The following URI1 variants were observed in gnomAD, a reference collection of about 807,000 sequenced individuals.
URI1 encodes unconventional prefoldin RPB5 interactor 1.
URI1 carries 39 observed loss-of-function variants against 60.2 expected under a neutral mutation model. The ratio of observed to expected loss-of-function variants is 0.65; its 90% CI spans 0.50 to 0.85. The LOEUF is 0.85. Among genes scored for constraint, URI1 ranks in the 40% least tolerant of loss-of-function variants. URI1 has a pLI of 0.00. For missense variants in URI1, 691 were observed against 665.9 expected (o/e 1.04, Z -0.42); for synonymous variants, 251 against 236.8 (o/e 1.06, Z -0.55).
At chr19:29,928,568 C>T (rs1273820684) in intron 1 of URI1, among the ~76,000 whole-genome samples, 1 of 152,102 alleles carries the variant, frequency 6.6e-6, no homozygotes, top group Non-Finnish European at 1.5e-5. Flanking sequence ...GTGTCAGTCC[C>T]TGATGCTTGT....
intron 1 of URI1, among the ~76,000 whole-genome samples, chr19:29,927,096 C>T (rs2145189200): frequency 6.6e-6 from 1 of 152,286 alleles, no homozygotes; most frequent in African/African-American, 2.4e-5. Flanking sequence ...GCAGAGGCTA[C>T]TGGACTTCCC....
chr19:29,940,425 G>A (rs2055011893), upstream of URI1, among the ~76,000 whole-genome samples: 1 of 152,132 alleles, frequency 6.6e-6, no homozygotes, highest in Non-Finnish European at 1.5e-5. Flanking sequence ...AAGGCGGGTG[G>A]ATCACTTGAG....
At chr19:29,934,742 A>T (rs994383728) in intron 1 of URI1, among the ~76,000 whole-genome samples, 1 of 151,898 alleles carries the variant, frequency 6.6e-6, no homozygotes, top group Admixed American at 6.6e-5. Flanking sequence ...TTATTTTTAG[A>T]GACCAGGTCT....
intron 1 of URI1, among the ~76,000 whole-genome samples, chr19:29,949,350 T>G (rs2055147341): frequency 7.2e-6 from 1 of 138,862 alleles, no homozygotes. Flanking sequence ...TCTCAGACGA[T>G]GGGCGGCTGG....
rs2145370677 is a variant in URI1 at position 29,985,214 on chromosome 19, T to G, written c.153-9T>G. 2.0e-6 allele frequency: 3 copies of G among 1,517,824 alleles called. No individual in the cohort carries two copies. In the South Asian group the frequency reaches 3.5e-5, roughly 18 times the overall value. 94.0% of individuals were successfully genotyped at this position (1,517,824 alleles called of 1,614,324 possible). A position where few individuals can be genotyped will look rare whatever the true frequency, so the allele number is the denominator to read the frequency against. Reference sequence around the variant, plus strand: ...AATAATGTGTGTATTTGGTGTTTTCTGTCAACAGGAAGAAGGTAGATAATG... The same window carrying G: ...AATAATGTGTGTATTTGGTGTTTTCGGTCAACAGGAAGAAGGTAGATAATG... On this transcript the variant is annotated splice_polypyrimidine_tract_variant and intron_variant, in intron 2 of 10. Transcript: ENST00000392271.
Position 29,961,270 on chromosome 19 carries a change from T to A in URI1, c.118-9923T>A, listed in dbSNP as rs529518630. On this transcript the variant is annotated intron_variant, in intron 1 of 10. Coordinates refer to ENST00000392271, the MANE Select transcript of URI1 (RefSeq NM_003796.3). ...GCCTTTTTTTTTTTTTTTTTTTAAA[T>A]CTTGCAAAACTGAAACTCTGTTCAT... Among the ~76,000 whole-genome samples the A allele has an allele frequency of 2.7e-5, 4 of 149,660 alleles. No individual in the cohort carries two copies. In the East Asian group the frequency reaches 8.0e-4, roughly 30 times the overall value.
intron 1 of URI1, among the ~76,000 whole-genome samples, chr19:29,955,413 C>T (rs2055232930): frequency 6.6e-6 from 1 of 152,122 alleles, no homozygotes; most frequent in Non-Finnish European, 1.5e-5. Context: ...TGTTGTTTCT[C>T]ATTTGTGAAG....
chr19:29,963,303 T>A (rs1308154690), intron 1 of URI1, among the ~76,000 whole-genome samples: 1 of 152,184 alleles, frequency 6.6e-6, no homozygotes, highest in Non-Finnish European at 1.5e-5. Flanking sequence ...ATGTTTTATT[T>A]TTGAATCTCT....
intron 1 of URI1, among the ~76,000 whole-genome samples, chr19:29,961,602 T>C (rs2055324631): frequency 6.6e-6 from 1 of 152,064 alleles, no homozygotes; most frequent in African/African-American, 2.4e-5. Context: ...CTCTACCTTA[T>C]GGTGATTTTG....
intron 4 of URI1, among the ~76,000 whole-genome samples, chr19:30,004,013 A>G (rs751326475): frequency 1.3e-5 from 2 of 151,988 alleles, no homozygotes; most frequent in African/African-American, 2.4e-5. Flanking sequence ...CTCGGATGAA[A>G]TCTGTCAAAC....
intron 1 of URI1, among the ~76,000 whole-genome samples, chr19:29,930,011 C>T (rs1276916688): frequency 6.7e-6 from 1 of 149,456 alleles, no homozygotes; most frequent in South Asian, 2.1e-4. Context: ...GTGATCTCAG[C>T]TCACTGCAAC....
chr19:29,985,373 GA>G, intron 3 of URI1, 72 bp downstream of exon 3: 1 of 1,339,610 alleles, frequency 7.5e-7, no homozygotes, highest in Non-Finnish European at 1.1e-6. Context: ...TCGGTTCACA[GA>G]ATGTCAGGCT....
chr19:29,948,168 G>C (rs2048494445), intron 1 of URI1, among the ~76,000 whole-genome samples: 1 of 152,172 alleles, frequency 6.6e-6, no homozygotes, highest in Admixed American at 6.5e-5. Context: ...ATGACTTTGT[G>C]TTATCTTGGT....
At chr19:29,981,094 C>CTTTT (rs35058414) in intron 2 of URI1, among the ~76,000 whole-genome samples, 9 of 145,130 alleles carry the variant, frequency 6.2e-5, no homozygotes, top group African/African-American at 2.3e-4. Context: ...AGGATGTAGA[C>CTTTT]TTTTTTTTTT....
At chr19:29,980,781 G>A (rs976878974) in intron 2 of URI1, among the ~76,000 whole-genome samples, 5 of 151,540 alleles carry the variant, frequency 3.3e-5, no homozygotes, top group Admixed American at 2.6e-4. Context: ...AATTAGCCGG[G>A]TGCGGTGGCG....
Position 29,927,870 on chromosome 19 carries a change from C to T in URI1, c.63+4116C>T, listed in dbSNP as rs139257548. Among the ~76,000 whole-genome samples, 717 of 152,088 alleles carry T rather than the reference C, an allele frequency of 4.7e-3. 6 individuals are homozygous for T. The highest frequency in any genetic ancestry group is 0.016 in the African/African-American group (680 of 41,496). On this transcript the variant is annotated intron_variant, in intron 1 of 10. Coordinates refer to the URI1 transcript ENST00000360605. ...GGGATTAGGCGTGACCTACGGTGCC[C>T]GGCCTAATTCCATCCCTCTTGAATG...
chr19:29,970,480 C>G (rs892479501), intron 1 of URI1, among the ~76,000 whole-genome samples: 98 of 151,998 alleles, frequency 6.4e-4, no homozygotes, highest in African/African-American at 2.3e-3. Flanking sequence ...GTCTAGTCTT[C>G]TTATTTTCTG....
intron 7 of URI1, among the ~76,000 whole-genome samples, chr19:30,008,742 G>A (rs780602700): frequency 6.6e-6 from 1 of 151,774 alleles, no homozygotes; most frequent in Non-Finnish European, 1.5e-5. Context: ...TATTGCATAT[G>A]GCCAATATCT....
At chr19:29,949,060 C>T (rs1447562492) in intron 1 of URI1, among the ~76,000 whole-genome samples, 1 of 149,844 alleles carries the variant, frequency 6.7e-6, no homozygotes, top group Admixed American at 6.7e-5. Context: ...GGGCTGCCCC[C>T]CGCCTCCCGG....
Sources: gnomAD v4.1 joint callset for allele counts (sites outside exome capture counted in the v4.1 genomes callset) on GRCh38, gnomAD v4.1.1 for gene constraint, MANE v1.5 for transcripts, NCBI Gene and HGNC (gene_info 2026-07-23, HGNC 2026-07-21) for gene names.